Variants in C15orf39 observed in about 807,000 individuals in gnomAD.
The protein encoded by C15orf39 is uncharacterized protein C15orf39.
Under a neutral mutation model 53.9 loss-of-function variants are expected in C15orf39, and 24 were observed. The ratio of observed to expected loss-of-function variants is 0.45; its 90% CI spans 0.32 to 0.63. C15orf39 has a LOEUF of 0.63. Among genes scored for constraint, C15orf39 ranks in the 20% least tolerant of loss-of-function variants. C15orf39 has a pLI of 0.04. For synonymous variants in C15orf39, 569 were observed against 576.5 expected, an observed-to-expected ratio of 0.99 and a Z score of 0.19; for missense variants, 1,271 against 1,347.9, an observed-to-expected ratio of 0.94 and a Z score of 0.89.
chr15:75,211,403 G>T lies in C15orf39; in HGVS notation c.*287G>T. 2.7e-6 allele frequency: 1 copy of T among 376,564 alleles called. No homozygotes were observed. 23.3% of individuals were successfully genotyped at this position (376,564 alleles called of 1,614,324 possible). A position where few individuals can be genotyped will look rare whatever the true frequency, so the allele number is the denominator to read the frequency against. Reference sequence around the variant, plus strand: ...ATCCCGGCTCGTGTTCTTGCTGCAGGACCTGGGCAAGAAACTTCACCTCTG... The same window carrying T: ...ATCCCGGCTCGTGTTCTTGCTGCAGTACCTGGGCAAGAAACTTCACCTCTG... On this transcript the variant is annotated 3_prime_UTR_variant, in exon 3 of 3. Coordinates refer to ENST00000394987, the MANE Select transcript of C15orf39 (RefSeq NM_015492.5).
At position 75,208,249 on chromosome 15, in the gene C15orf39, CTCCAGCTTCAGCCCGGGA is replaced by C; in HGVS notation, c.2209_2226del (p.Ser737_Ala742del). On this transcript the variant is annotated inframe_deletion, in exon 2 of 3. Coordinates refer to ENST00000394987, the MANE Select transcript of C15orf39 (RefSeq NM_015492.5). ...TCCCCTGCTCCGGCTCGAGCTCAGG[CTCCAGCTTCAGCCCGGGA>C]TCCAGCTCCAGCTCCAGCTCCAGTT... is the stretch of plus-strand genomic sequence containing the variant. 1.2e-6 allele frequency: 2 copies of C among 1,605,308 alleles called. No homozygotes were observed. The highest frequency in any genetic ancestry group is 1.7e-6 in the Non-Finnish European group (2 of 1,175,808).
At chr15:75,205,440 C>G (rs949885601) in intron 1 of C15orf39, among the ~76,000 whole-genome samples, 1 of 152,064 alleles carries the variant, frequency 6.6e-6, no homozygotes, top group African/African-American at 2.4e-5. Context: ...GGAGGAAAAT[C>G]GAACAGAAGG....
chr15:75,201,181 C>A (rs576206379), upstream of C15orf39, among the ~76,000 whole-genome samples: 1 of 152,168 alleles, frequency 6.6e-6, no homozygotes, highest in African/African-American at 2.4e-5. The surrounding 1 kb of genome is among the most constrained non-coding windows in gnomAD (Gnocchi z 4.7). Flanking sequence ...CCCCTTCCCC[C>A]CTCCAGCCTC....
In C15orf39 at chr15:75,206,988, G is replaced by A. The variant is rs768229397; in HGVS notation, c.940G>A (p.Gly314Arg). 27 of 1,594,064 alleles carry A rather than the reference G, an allele frequency of 1.7e-5. No homozygotes were observed. Among genetic ancestry groups the A allele is most frequent in the African/African-American group, 2.7e-5 (2 of 74,404 alleles). ...GCCTCTGGGGGGCCACAAGGGGACCGGGTACCAGGCTGGTGGGCTGGGCAG... is the reference window on the plus strand; with the variant it reads ...GCCTCTGGGGGGCCACAAGGGGACCAGGTACCAGGCTGGTGGGCTGGGCAG... ...LQPLGGHKGT[G>R]YQAGGLGSPY... Residue 314 changes from glycine to arginine, a missense_variant, in exon 2 of 3, where the codon GGG (glycine) becomes AGG (arginine). By Grantham distance (125) the Gly-to-Arg change is moderately radical (BLOSUM62 -2). Transcript: ENST00000394987.
Position 75,208,750 on chromosome 15 carries a change from C to A in C15orf39, c.2702C>A (p.Ala901Glu). ...ACCTCACGCATGCTGAAGTTACTGG[C>A]GCTGCGCCAGCTGCCGGACATTTAC... The part of the protein sequence containing the change: ...GCTSRMLKLL[A>E]LRQLPDIYPD... The change falls in exon 2 of 3, where the codon GCG becomes GAG. Residue 901 changes from alanine (A) to glutamate (E), a missense_variant. Ala to Glu is a moderately radical substitution (Grantham distance 107). Transcript: ENST00000394987. 3.1e-6 allele frequency: 5 copies of A among 1,607,410 alleles called. No individual in the cohort carries two copies. Among genetic ancestry groups the A allele is most frequent in the Non-Finnish European group, 4.2e-6 (5 of 1,179,796 alleles).
intron 2 of C15orf39, 102 bp downstream of exon 2, chr15:75,208,926 G>C (rs1261419006): frequency 6.8e-7 from 1 of 1,477,080 alleles, no homozygotes; most frequent in East Asian, 2.4e-5. Context: ...TGATTCCAAG[G>C]ACTCCTGCCC....
At position 75,206,629 on chromosome 15, in the gene C15orf39, T is replaced by G. The variant is rs749663017; in HGVS notation, c.581T>G (p.Val194Gly). 6.2e-7 allele frequency: 1 copy of G among 1,613,362 alleles called. No individual in the cohort carries two copies. Among genetic ancestry groups the G allele is most frequent in the Non-Finnish European group, 8.5e-7 (1 of 1,179,834 alleles). ...QTLDGTFLRG[V>G]PAEGSSKDSS... Reference sequence around the variant, plus strand: ...CTGGATGGCACCTTCTTGCGGGGGGTGCCAGCTGAGGGGTCCAGTAAAGAC... The same window carrying G: ...CTGGATGGCACCTTCTTGCGGGGGGGGCCAGCTGAGGGGTCCAGTAAAGAC... The change falls in exon 2 of 3, where the codon GTG becomes GGG. Residue 194 changes from valine (V) to glycine (G), a missense_variant. Around this residue, in one of 2 missense-constraint regions of C15orf39, gnomAD observed 994 missense variants for 993.7 expected, o/e 1.00. Coordinates refer to ENST00000394987, the MANE Select transcript of C15orf39 (RefSeq NM_015492.5).
rs1370353509 is a variant in C15orf39, at chr15:75,206,702, G to A, written c.654G>A (p.Gln218=). 1.2e-6 allele frequency: 2 copies of A among 1,613,728 alleles called. No homozygotes were observed. Among genetic ancestry groups the A allele is most frequent in the Non-Finnish European group, 1.7e-6 (2 of 1,179,974 alleles). ...GCCAGCCCTTCCTGGAGAAATATCA[G>A]ACCATCCACAGCACGGGCTTCCTGG... is the stretch of plus-strand genomic sequence containing the variant. ...SPCQPFLEKY[Q]TIHSTGFLAS... is the part of the protein sequence containing the mutation. Residue 218 remains glutamine, a synonymous_variant, in exon 2 of 3, where the codon CAG becomes CAA. Coordinates refer to ENST00000394987, the MANE Select transcript of C15orf39 (RefSeq NM_015492.5).
upstream of C15orf39, chr15:75,201,851 C>T (rs1315678441): frequency 6.6e-6 from 1 of 151,826 alleles, no homozygotes; most frequent in Non-Finnish European, 1.5e-5. The surrounding 1 kb of genome is among the most constrained non-coding windows in gnomAD (Gnocchi z 4.7). Flanking sequence ...CCGCCCCCGC[C>T]CCGCCCCCAG....
In C15orf39 at chr15:75,206,705, C is replaced by T; in HGVS notation, c.657C>T (p.Thr219=). 1 of 1,613,802 alleles carries T rather than the reference C, an allele frequency of 6.2e-7. No individual in the cohort carries two copies. The highest frequency in any genetic ancestry group is 2.2e-5 in the East Asian group (1 of 44,890). The change falls in exon 2 of 3, where the codon ACC becomes ACT. Residue 219 remains threonine (T), a synonymous_variant. Transcript: ENST00000394987. ...AGCCCTTCCTGGAGAAATATCAGAC[C>T]ATCCACAGCACGGGCTTCCTGGCCT... ...PCQPFLEKYQ[T]IHSTGFLASR...
Position 75,206,604 on chromosome 15 carries a change from C to G in C15orf39, c.556C>G (p.Leu186Val), listed in dbSNP as rs2070440263. The G allele has an allele frequency of 6.2e-7, 1 of 1,613,764 alleles. No individual in the cohort carries two copies. Among genetic ancestry groups the G allele is most frequent in the South Asian group, 1.1e-5 (1 of 91,092 alleles). The change falls in exon 2 of 3, where the codon CTG (leucine) becomes GTG (valine). Residue 186 changes from leucine to valine, a missense_variant. By Grantham distance (32) the Leu-to-Val change is conservative (BLOSUM62 1). Around this residue, in one of 2 missense-constraint regions of C15orf39, gnomAD observed 994 missense variants for 993.7 expected, o/e 1.00. Coordinates refer to ENST00000394987, the MANE Select transcript of C15orf39 (RefSeq NM_015492.5). ...LAPAPSKGQT[L>V]DGTFLRGVPA... ...CCCAGCTCCTAGCAAGGGCCAGACT[C>G]TGGATGGCACCTTCTTGCGGGGGGT...
At chr15:75,200,084 C>T (rs2070391878), upstream of C15orf39, among the ~76,000 whole-genome samples, 1 of 152,220 alleles carries the variant, frequency 6.6e-6, no homozygotes, top group Non-Finnish European at 1.5e-5. Context: ...TGTTGGCCGA[C>T]ACCACAGTTG....
chr15:75,208,375 A>G lies in C15orf39; in HGVS notation c.2327A>G (p.Asp776Gly). ...HFTGLHASLC[D>G]AISGSVAHSP... ...ACAGGACTACATGCGTCCCTGTGTG[A>G]TGCTATTTCTGGCTCCGTCGCCCAC... The change falls in exon 2 of 3, where the codon GAT becomes GGT. Residue 776 changes from aspartate (D) to glycine (G), a missense_variant. Physicochemically the swap from Asp to Gly is moderately conservative, Grantham distance 94. Around this residue, in one of 2 missense-constraint regions of C15orf39, gnomAD observed 994 missense variants for 993.7 expected, o/e 1.00. Transcript: ENST00000394987. 6.3e-7 allele frequency: 1 copy of G among 1,598,046 alleles called. No homozygotes were observed. The highest frequency in any genetic ancestry group is 1.1e-5 in the South Asian group (1 of 88,964).
intron 1 of C15orf39, among the ~76,000 whole-genome samples, chr15:75,204,226 T>G (rs1030771696): frequency 7.2e-5 from 11 of 152,194 alleles, no homozygotes; most frequent in Admixed American, 4.6e-4. Context: ...ACTGAGAGTT[T>G]CCAGGAATAG....
Position 75,207,973 on chromosome 15 carries a change from A to C in C15orf39, c.1925A>C (p.Asn642Thr). The C allele has an allele frequency of 1.2e-6, 2 of 1,613,918 alleles. No homozygotes were observed. Among genetic ancestry groups the C allele is most frequent in the Non-Finnish European group, 1.7e-6 (2 of 1,180,016 alleles). Residue 642 changes from asparagine to threonine, a missense_variant, in exon 2 of 3, where the codon AAC (asparagine) becomes ACC (threonine). Around this residue, in one of 2 missense-constraint regions of C15orf39, gnomAD observed 994 missense variants for 993.7 expected, o/e 1.00. Transcript: ENST00000394987. ...ACCACAGATGCCATGCCAAGGACCA[A>C]CTTCCACAGCTCTGTGGCCTTCATG... ...PVTTDAMPRT[N>T]FHSSVAFMFR... is the part of the protein sequence containing the mutation.
At chr15:75,205,318 TCTC>T (rs1195882958) in intron 1 of C15orf39, among the ~76,000 whole-genome samples, 1 of 152,040 alleles carries the variant, frequency 6.6e-6, no homozygotes. Flanking sequence ...GATGAATGGG[TCTC>T]CTCATCTGTA....
Position 75,206,854 on chromosome 15 carries a change from A to ACCCCCCCCCCCCCCCCCCCCCCCC in C15orf39, c.809_810insCCCCCCCCCCCCCCCCCCCCCCCC (p.Pro272_His273insProProProProProProProPro). 7.0e-7 allele frequency: 1 copy of ACCCCCCCCCCCCCCCCCCCCCCCC among 1,432,806 alleles called. No homozygotes were observed. Among genetic ancestry groups the ACCCCCCCCCCCCCCCCCCCCCCCC allele is most frequent in the Non-Finnish European group, 9.4e-7 (1 of 1,060,042 alleles). The allele number at this position is 1,432,806 out of a possible 1,614,324, so 88.8% of individuals were successfully genotyped here. A position where few individuals can be genotyped will look rare whatever the true frequency, so the allele number is the denominator to read the frequency against. ...TGTCAGGACACCGGGCCCACCCACT[A>ACCCCCCCCCCCCCCCCCCCCCCCC]CCCACCACCCCACCACCCACCACCC... On this transcript the variant is annotated inframe_insertion, in exon 2 of 3. Coordinates refer to ENST00000394987, the MANE Select transcript of C15orf39 (RefSeq NM_015492.5).
At position 75,210,932 on chromosome 15, in the gene C15orf39, C is replaced by T. The variant is rs780469490; in HGVS notation, c.2960C>T (p.Ala987Val). ...GCTGCTGGGGAAGAGTCCTGTGGTG[C>T]CTCCCCTACCCCTGCTACCAGTGCC... ...EAAAGEESCG[A>V]SPTPATSASP... The change falls in exon 3 of 3, where the codon GCC becomes GTC. Residue 987 changes from alanine to valine, a missense_variant. This residue lies in a region of C15orf39 where 277 missense variants were observed against 354.1 expected (regional missense o/e 0.78). Coordinates refer to ENST00000394987, the MANE Select transcript of C15orf39 (RefSeq NM_015492.5). 3 of 1,613,328 alleles carry T rather than the reference C, an allele frequency of 1.9e-6. No individual in the cohort carries two copies. The highest frequency in any genetic ancestry group is 2.5e-6 in the Non-Finnish European group (3 of 1,179,986).
chr15:75,205,733 T>C (rs114806944), intron 1 of C15orf39, among the ~76,000 whole-genome samples: 2,191 of 152,182 alleles, frequency 0.014, 58 homozygotes, highest in African/African-American at 0.05. Flanking sequence ...GGAGAATCAC[T>C]TGAGCCCAGG....
Sources: gnomAD v4.1 joint callset for allele counts (sites outside exome capture counted in the v4.1 genomes callset) on GRCh38, gnomAD v4.1.1 for gene constraint, gnomAD v4.1.1 regional missense constraint, Gnocchi (gnomAD v3.1) non-coding constraint, MANE v1.5 for transcripts, NCBI Gene and HGNC (gene_info 2026-07-23, HGNC 2026-07-21) for gene names.